Variants in PRDM16 observed in about 807,000 individuals in gnomAD.
PRDM16 encodes the protein histone-lysine N-methyltransferase PRDM16.
In PRDM16, 23 loss-of-function variants were observed where a neutral mutation model predicts 110.6. That is an observed-to-expected ratio of 0.21 (90% CI 0.15 to 0.29). PRDM16 has a LOEUF of 0.29. Ranked by LOEUF, PRDM16 falls within the 10% of genes least tolerant of loss-of-function variation. PRDM16 has a pLI of 1.00. For synonymous variants in PRDM16, 799 were observed against 781.8 expected, an observed-to-expected ratio of 1.02 and a Z score of -0.37; for missense variants, 1,615 against 1,794.3, an observed-to-expected ratio of 0.90 and a Z score of 1.81.
chr1:3,337,155 A>G (rs1642177280), intron 3 of PRDM16, among the ~76,000 whole-genome samples: 2 of 142,820 alleles, frequency 1.4e-5, no homozygotes, highest in African/African-American at 5.2e-5. Context: ...GTTGGTGTGA[A>G]TCTGTGTACA....
At chr1:3,106,588 G>T (rs1388820251) in intron 1 of PRDM16, among the ~76,000 whole-genome samples, 1 of 152,198 alleles carries the variant, frequency 6.6e-6, no homozygotes, top group African/African-American at 2.4e-5. Context: ...GGGGAGTTGT[G>T]GTGTGGGTGC....
chr1:3,245,014 A>C lies in PRDM16; in HGVS notation c.438+877A>C, dbSNP rs1018191457. ...GGCATCTTTGCTTTAAAGCAAGATA[A>C]AATTTAGAGAGAGTCACATTTACAC... On this transcript the variant is annotated intron_variant, in intron 3 of 16. Coordinates refer to ENST00000270722, the MANE Select transcript of PRDM16 (RefSeq NM_022114.4). This position sits in a 1 kb window ranked among gnomAD's most constrained non-coding sequence, Gnocchi z 4.7. Among the ~76,000 whole-genome samples the C allele has an allele frequency of 2.6e-5, 4 of 152,190 alleles. No homozygotes were observed. Among genetic ancestry groups the C allele is most frequent in the African/African-American group, 9.7e-5 (4 of 41,442 alleles).
At chr1:3,101,363 GGGATAAA>G (rs918075799) in intron 1 of PRDM16, among the ~76,000 whole-genome samples, 1 of 152,222 alleles carries the variant, frequency 6.6e-6, no homozygotes, top group Non-Finnish European at 1.5e-5. Flanking sequence ...GTCTGGCCAG[GGGATAAA>G]TCTTCGCGCT....
At position 3,175,983 on chromosome 1, in the gene PRDM16, GCAGCCAGCCAGC is replaced by G. The variant is rs77977474; in HGVS notation, c.38-10123_38-10112del. Among the ~76,000 whole-genome samples the G allele has an allele frequency of 6.4e-4, 80 of 125,036 alleles. No homozygotes were observed. The highest frequency in any genetic ancestry group is 8.9e-3 in the Middle Eastern group (2 of 224). The allele number at this position is 125,036 out of a possible 152,430, so 82.0% of individuals were successfully genotyped here. A position where few individuals can be genotyped will look rare whatever the true frequency, so the allele number is the denominator to read the frequency against. ...TCCACTCACTCACCCATCCATCCAT[GCAGCCAGCCAGC>G]CAGCCAGCCAGCCAGCCATCCCCTT... On this transcript the variant is annotated intron_variant, in intron 1 of 16. Coordinates refer to ENST00000270722, the MANE Select transcript of PRDM16 (RefSeq NM_022114.4). This position sits in a 1 kb window ranked among gnomAD's most constrained non-coding sequence, Gnocchi z 4.8.
At chr1:3,101,065 G>A (rs1642521177) in intron 1 of PRDM16, among the ~76,000 whole-genome samples, 1 of 152,174 alleles carries the variant, frequency 6.6e-6, no homozygotes, top group African/African-American at 2.4e-5. Flanking sequence ...ATGCTGCTGG[G>A]CCCCAGGTAT....
intron 4 of PRDM16, among the ~76,000 whole-genome samples, chr1:3,394,020 G>T (rs951604401): frequency 1.7e-4 from 26 of 152,248 alleles, no homozygotes; most frequent in African/African-American, 6.3e-4. Flanking sequence ...GCGGCTCCAG[G>T]GCAGTGTCCG....
In PRDM16 at chr1:3,233,340, C is replaced by T. The variant is rs531454339; in HGVS notation, c.388-10747C>T. Among the ~76,000 whole-genome samples, 27 of 152,248 alleles carry T rather than the reference C, an allele frequency of 1.8e-4. No homozygotes were observed. The East Asian group carries it at 4.6e-3, about 26-fold the overall frequency. ...GAGGGCACATCTTTCAGATGTGAGT[C>T]GGGACAGCCACTTTGGGGTTTGCAA... On this transcript the variant is annotated intron_variant, in intron 2 of 16. Transcript: ENST00000270722.
intron 3 of PRDM16, chr1:3,307,896 G>T (rs1310676979): frequency 1.3e-5 from 2 of 152,208 alleles, no homozygotes; most frequent in Non-Finnish European, 2.9e-5. Flanking sequence ...GCCTGTGAGA[G>T]TTGGTAAAGG....
chr1:3,093,998 GGCT>G (rs1214837005), intron 1 of PRDM16, among the ~76,000 whole-genome samples: 2 of 152,254 alleles, frequency 1.3e-5, no homozygotes, highest in African/African-American at 4.8e-5. Context: ...TCTGTGGTCA[GGCT>G]GCTGTGTTTC....
At chr1:3,218,800 T>C (rs1413312492) in intron 2 of PRDM16, among the ~76,000 whole-genome samples, 3 of 152,198 alleles carry the variant, frequency 2.0e-5, no homozygotes, top group Non-Finnish European at 4.4e-5. Context: ...CTCCCCCAGG[T>C]GCACGCTCAG....
intron 1 of PRDM16, among the ~76,000 whole-genome samples, chr1:3,183,323 G>A (rs1000051978): frequency 1.3e-5 from 2 of 152,260 alleles, no homozygotes; most frequent in South Asian, 2.1e-4. Flanking sequence ...CTGATCTCCC[G>A]GCTCCGGTTG....
At chr1:3,405,801 C>T (rs1012053945) in intron 8 of PRDM16, among the ~76,000 whole-genome samples, 153 bp downstream of exon 8, 5 of 152,240 alleles carry the variant, frequency 3.3e-5, no homozygotes, top group African/African-American at 9.6e-5. Context: ...ATCTCTGCCG[C>T]GTGCAGCCTG....
chr1:3,091,875 CG>C (rs545322293), intron 1 of PRDM16, among the ~76,000 whole-genome samples: 387 of 152,306 alleles, frequency 2.5e-3, no homozygotes, highest in Non-Finnish European at 3.6e-3. Flanking sequence ...CTCCCTCTAA[CG>C]GGGGTGATGG....
rs1345839751 is a variant in PRDM16, at chr1:3,143,767, G to A, written c.38-42358G>A. Among the ~76,000 whole-genome samples the A allele has an allele frequency of 3.3e-5, 5 of 152,296 alleles. No homozygotes were observed. Among genetic ancestry groups the A allele is most frequent in the East Asian group, 3.9e-4 (2 of 5,174 alleles). On this transcript the variant is annotated intron_variant, in intron 1 of 16. Transcript: ENST00000270722. This position sits in a 1 kb window ranked among gnomAD's most constrained non-coding sequence, Gnocchi z 4.5. ...GCTGGGATCACAGGCTTGAGCCACC[G>A]CGTCCGGCTTATTCTTTTTTTCTAA...
chr1:3,413,462 TA>T (rs1303396674), intron 9 of PRDM16, among the ~76,000 whole-genome samples: 18 of 152,214 alleles, frequency 1.2e-4, no homozygotes, highest in African/African-American at 4.3e-4. Context: ...TGCCACTCCC[TA>T]ATTTCTGGAC....
chr1:3,336,906 A>T (rs528849059), intron 3 of PRDM16, among the ~76,000 whole-genome samples: 2 of 141,162 alleles, frequency 1.4e-5, no homozygotes, highest in Admixed American at 7.1e-5. Context: ...TGTTGGTGTG[A>T]GTCTGTGTGT....
At chr1:3,380,422 G>A (rs1643082447) in intron 3 of PRDM16, among the ~76,000 whole-genome samples, 1 of 152,102 alleles carries the variant, frequency 6.6e-6, no homozygotes, top group Non-Finnish European at 1.5e-5. Flanking sequence ...GGCCTCCGGG[G>A]ACAAGGAGAA....
intron 3 of PRDM16, among the ~76,000 whole-genome samples, chr1:3,284,625 G>A (rs1019723681): frequency 5.3e-5 from 8 of 152,374 alleles, no homozygotes; most frequent in African/African-American, 1.2e-4. Flanking sequence ...CCCTGAGAAC[G>A]TGGGAGTGCG....
At position 3,165,577 on chromosome 1, in the gene PRDM16, G is replaced by T. The variant is rs189062881; in HGVS notation, c.38-20548G>T. 2.6e-4 allele frequency among the ~76,000 whole-genome samples: 19 copies of T among 74,110 alleles called. 3 individuals carry two copies. Among genetic ancestry groups the T allele is most frequent in the East Asian group, 8.6e-4 (2 of 2,324 alleles). The allele number at this position is 74,110 out of a possible 152,430, so 48.6% of individuals were successfully genotyped here. ...GGGACTCACCAGGGCTCAGGGACAG[G>T]GACTCACCTGGGCCCAGGGACAGGG... On this transcript the variant is annotated intron_variant, in intron 1 of 16. Transcript: ENST00000270722.
Sources: allele counts gnomAD v4.1 joint callset (sites outside exome capture counted in the v4.1 genomes callset), GRCh38; gene constraint gnomAD v4.1.1; non-coding constraint Gnocchi (gnomAD v3.1); transcripts MANE v1.5; gene names NCBI Gene and HGNC (gene_info 2026-07-23, HGNC 2026-07-21).